Variants in WASHC4 observed in about 807,000 individuals in gnomAD.
WASHC4 encodes the protein WASH complex subunit 7.
WASHC4 carries 86 observed loss-of-function variants against 166.6 expected under a neutral mutation model. The ratio of observed to expected loss-of-function variants is 0.52; its 90% CI spans 0.43 to 0.62. The LOEUF (loss-of-function observed/expected upper bound fraction) is 0.62. Ranked by LOEUF, WASHC4 falls within the 20% of genes least tolerant of loss-of-function variation. The pLI, the probability that WASHC4 is intolerant of heterozygous loss-of-function variation, is 0.00. For synonymous variants in WASHC4, 446 were observed against 451.6 expected (o/e 0.99, Z 0.16); for missense variants, 1,262 against 1,382.4 (o/e 0.91, Z 1.38).
intron 15 of WASHC4, among the ~76,000 whole-genome samples, chr12:105,139,449 A>ATATATATATT (rs1175380779): frequency 9.7e-5 from 14 of 144,074 alleles, no homozygotes; most frequent in Admixed American, 2.8e-4. Context: ...ATATATATAT[A>ATATATATATT]TATATATATG....
chr12:105,146,921 A>T, intron 23 of WASHC4, 121 bp from the exon 24 acceptor site: 1 of 716,870 alleles, frequency 1.4e-6, no homozygotes, highest in Non-Finnish European at 2.6e-6. Flanking sequence ...TACTGTCTTG[A>T]TTGCATTTTC....
At chr12:105,110,953 G>A (rs1480150187) in intron 1 of WASHC4, among the ~76,000 whole-genome samples, 172 bp from the exon 2 acceptor site, 2 of 152,124 alleles carry the variant, frequency 1.3e-5, no homozygotes, top group Non-Finnish European at 2.9e-5. Flanking sequence ...CGTGTATAGA[G>A]AAGATTGAAA....
chr12:105,120,725 T>G (rs1880658076), intron 8 of WASHC4, 128 bp downstream of exon 8: 4 of 707,372 alleles, frequency 5.7e-6, no homozygotes, highest in Non-Finnish European at 1.0e-5. Flanking sequence ...TGTGTGTGTT[T>G]GTGTGTGTTT....
chr12:105,149,435 G>T, intron 24 of WASHC4, 180 bp from the exon 25 acceptor site: 1 of 1,058,204 alleles, frequency 9.4e-7, no homozygotes. Context: ...AAAGTTTTGT[G>T]AACTTCAGCA....
chr12:105,129,674 T>G (rs920150495), intron 13 of WASHC4, among the ~76,000 whole-genome samples: 1 of 152,196 alleles, frequency 6.6e-6, no homozygotes, highest in Non-Finnish European at 1.5e-5. Context: ...GTCTGTATAG[T>G]TTGGCCTTTA....
At position 105,167,241 on chromosome 12, in the gene WASHC4, A is replaced by T. The variant is rs189084961; in HGVS notation, c.*310A>T. 2.9e-6 allele frequency: 1 copy of T among 339,548 alleles called. No homozygotes were observed. The highest frequency in any genetic ancestry group is 6.1e-5 in the East Asian group (1 of 16,268). The allele number at this position is 339,548 out of a possible 1,614,324, so 21.0% of individuals were successfully genotyped here. ...AAACTATCACCTCGGATTTCTTGTA[A>T]TCTACATGTTTGTAATTTGTATTTG... On this transcript the variant is annotated 3_prime_UTR_variant, in exon 33 of 33. Transcript: ENST00000332180.
chr12:105,113,064 C>G lies in WASHC4; in HGVS notation c.202-1152C>G, dbSNP rs553573596. 5.2e-4 allele frequency among the ~76,000 whole-genome samples: 79 copies of G among 152,120 alleles called. No individual in the cohort carries two copies. In the Middle Eastern group the frequency reaches 0.014, roughly 26 times the overall value. On this transcript the variant is annotated intron_variant, in intron 2 of 32. Transcript: ENST00000332180. ...TTAGTCTTACTTTAAAAATCATCCC[C>G]CCCCAAATTTGTAATTGTCTCTTTT...
chr12:105,131,308 G>A (rs1287539146), intron 13 of WASHC4, among the ~76,000 whole-genome samples: 3 of 150,884 alleles, frequency 2.0e-5, no homozygotes, highest in Non-Finnish European at 4.4e-5. Flanking sequence ...GGATGGTCTC[G>A]ATCTCCTGAC....
chr12:105,144,216 A>G lies in WASHC4; in HGVS notation c.2011-71A>G, dbSNP rs371377041. 6 of 1,274,602 alleles carry G rather than the reference A, an allele frequency of 4.7e-6. No homozygotes were observed. In the Admixed American group the frequency reaches 7.4e-5, roughly 16 times the overall value. 79.0% of individuals were successfully genotyped at this position (1,274,602 alleles called of 1,614,324 possible). A position where few individuals can be genotyped will look rare whatever the true frequency, so the allele number is the denominator to read the frequency against. ...AAACTATTGGTTTAAAATGGAGCAT[A>G]GACATGTAGGGAAACAATACAATTG... On this transcript the variant is annotated intron_variant, in intron 20 of 32. Coordinates refer to ENST00000332180, the MANE Select transcript of WASHC4 (RefSeq NM_015275.3).
intron 27 of WASHC4, among the ~76,000 whole-genome samples, chr12:105,157,008 A>G (rs1884204656): frequency 6.6e-6 from 1 of 152,210 alleles, no homozygotes; most frequent in Admixed American, 6.5e-5. Flanking sequence ...ATTTATCAAT[A>G]TGGTTTATGA....
chr12:105,150,690 T>G (rs1883682453), intron 25 of WASHC4, among the ~76,000 whole-genome samples: 1 of 152,094 alleles, frequency 6.6e-6, no homozygotes, highest in Non-Finnish European at 1.5e-5. Context: ...AGGCTGAGTG[T>G]ATTAGTCTAT....
chr12:105,155,291 T>G (rs1381408884), intron 26 of WASHC4: 1 of 151,876 alleles, frequency 6.6e-6, no homozygotes, highest in Non-Finnish European at 1.5e-5. Flanking sequence ...AAACAGGAGG[T>G]GACATTTGAG....
rs768995244 is a variant in WASHC4 at position 105,164,169 on chromosome 12, G to T, written c.3216G>T (p.Trp1072Cys). Reference sequence around the variant, plus strand: ...ATCGGGAGTTTGATTCACTTCACTGGTTCCAGTCTGTTAGAGAGAAATACC... The same window carrying T: ...ATCGGGAGTTTGATTCACTTCACTGTTTCCAGTCTGTTAGAGAGAAATACC... ...DQYREFDSLHWFQSVREKYLK... is the reference protein window; with the variant it reads ...DQYREFDSLHCFQSVREKYLK... The change falls in exon 31 of 33, where the codon TGG becomes TGT. Residue 1072 changes from tryptophan to cysteine, a missense_variant. Physicochemically the swap from Trp to Cys is radical, Grantham distance 215. Coordinates refer to ENST00000332180, the MANE Select transcript of WASHC4 (RefSeq NM_015275.3). 3.1e-6 allele frequency: 5 copies of T among 1,614,062 alleles called. No individual in the cohort carries two copies. The Admixed American group carries it at 8.3e-5, about 27-fold the overall frequency.
At chr12:105,117,566 T>C (rs938938552) in intron 6 of WASHC4, among the ~76,000 whole-genome samples, 3 of 152,170 alleles carry the variant, frequency 2.0e-5, no homozygotes, top group African/African-American at 7.2e-5. Flanking sequence ...AAATGCGTTA[T>C]TTATTTTCAT....
At chr12:105,122,950 C>T (rs1472216969) in intron 10 of WASHC4, among the ~76,000 whole-genome samples, 4 of 152,020 alleles carry the variant, frequency 2.6e-5, no homozygotes, top group East Asian at 1.9e-4. Flanking sequence ...AGTGTTCAAA[C>T]GAAAAGAAGA....
At chr12:105,147,488 G>T in intron 24 of WASHC4, 1 of 530,750 alleles carries the variant, frequency 1.9e-6, no homozygotes, top group Non-Finnish European at 2.6e-6. Flanking sequence ...GTTTACTTTT[G>T]AAAGTCAACA....
At chr12:105,146,657 AT>A (rs974196954) in intron 23 of WASHC4, 131 bp downstream of exon 23, 2 of 653,830 alleles carry the variant, frequency 3.1e-6, no homozygotes, top group South Asian at 1.8e-5. Flanking sequence ...GGCCTTGTTT[AT>A]TTTTTTGCCT....
At chr12:105,130,906 A>T (rs528263009) in intron 13 of WASHC4, among the ~76,000 whole-genome samples, 1 of 152,268 alleles carries the variant, frequency 6.6e-6, no homozygotes, top group African/African-American at 2.4e-5. Context: ...GACACTGTTT[A>T]GTGCTTTATG....
chr12:105,157,651 A>T (rs1884254958), intron 28 of WASHC4, among the ~76,000 whole-genome samples: 1 of 152,138 alleles, frequency 6.6e-6, no homozygotes, highest in South Asian at 2.1e-4. Context: ...TCAATCATAA[A>T]ATTCATTTCA....
Sources: allele counts gnomAD v4.1 joint callset (sites outside exome capture counted in the v4.1 genomes callset), GRCh38; gene constraint gnomAD v4.1.1; transcripts MANE v1.5; gene names NCBI Gene and HGNC (gene_info 2026-07-23, HGNC 2026-07-21).